The following PEAK1 variants were observed in gnomAD, a reference collection of about 807,000 sequenced individuals.
The protein encoded by PEAK1 is pseudopodium enriched atypical kinase 1.
PEAK1 carries 54 observed loss-of-function variants against 124.7 expected under a neutral mutation model. The ratio of observed to expected loss-of-function variants is 0.43; its 90% CI spans 0.35 to 0.54. The LOEUF is 0.54. Among genes scored for constraint, PEAK1 ranks in the 20% least tolerant of loss-of-function variants. PEAK1 has a pLI of 0.01. For synonymous variants in PEAK1, 719 were observed against 760.0 expected, an observed-to-expected ratio of 0.95 and a Z score of 0.89; for missense variants, 2,046 against 2,134.5, an observed-to-expected ratio of 0.96 and a Z score of 0.82.
chr15:77,319,027 A>C, intron 2 of PEAK1, among the ~76,000 whole-genome samples: 1 of 152,320 alleles, frequency 6.6e-6, no homozygotes, highest in South Asian at 2.1e-4. Flanking sequence ...ACTAGAACCA[A>C]GAAGACAACC....
Position 77,233,945 on chromosome 15 carries a change from T to C in PEAK1, c.-115+18422A>G, listed in dbSNP as rs1189263630. 2.0e-5 allele frequency among the ~76,000 whole-genome samples: 3 copies of C among 152,272 alleles called. No homozygotes were observed. In the East Asian group the frequency reaches 5.8e-4, roughly 29 times the overall value. On this transcript the variant is annotated intron_variant, in intron 6 of 9. Coordinates refer to ENST00000682557, the MANE Select transcript of PEAK1 (RefSeq NM_001385026.1). ...CAGTGGCATGATCATAGCTCCCTTC[T>C]GCTTCAAATTGCTGGGCTCGAGTGA... is the stretch of plus-strand genomic sequence containing the variant.
intron 2 of PEAK1, chr15:77,346,081 A>G (rs1259409114): frequency 1.1e-5 from 11 of 985,448 alleles, no homozygotes; most frequent in Non-Finnish European, 1.3e-5. Flanking sequence ...TCGAAGGCAC[A>G]ACGACTATGC....
chr15:77,331,395 G>A (rs12903253), intron 2 of PEAK1, among the ~76,000 whole-genome samples: 40,753 of 152,066 alleles, frequency 0.27, 6,493 homozygotes, highest in Middle Eastern at 0.38. Context: ...CTCCCAAAGT[G>A]CTGGGATTAC....
intron 7 of PEAK1, among the ~76,000 whole-genome samples, chr15:77,161,965 C>CGA (rs2055689534): frequency 1.2e-5 from 1 of 84,514 alleles, no homozygotes; most frequent in African/African-American, 5.1e-5. Context: ...GACTCTGTCT[C>CGA]AAAAAAAAAA....
At chr15:77,237,210 C>T (rs1323484633) in intron 6 of PEAK1, among the ~76,000 whole-genome samples, 4 of 151,840 alleles carry the variant, frequency 2.6e-5, no homozygotes, top group Admixed American at 1.3e-4. Context: ...GATTGTAAAT[C>T]CTAAAATATT....
At position 77,133,513 on chromosome 15, in the gene PEAK1, A is replaced by G. The variant is rs1567009900; in HGVS notation, c.3569T>C (p.Ile1190Thr). 1.2e-6 allele frequency: 2 copies of G among 1,614,096 alleles called. No individual in the cohort carries two copies. Among genetic ancestry groups the G allele is most frequent in the South Asian group, 1.1e-5 (1 of 91,092 alleles). The change falls in exon 9 of 10, where the codon ATC becomes ACC. Residue 1190 changes from isoleucine (I) to threonine (T), a missense_variant. Ile to Thr is a moderately conservative substitution (Grantham distance 89). Transcript: ENST00000682557. This position sits in a 1 kb window ranked among gnomAD's most constrained non-coding sequence, Gnocchi z 4.2. The stretch of plus-strand genomic sequence containing the variant: ...ACTGCTGGCATCCCAGTTGGGGTCG[A>G]TATCATAGGTGGGATTAGCCATGAC... ...LCVMANPTYD[I>T]DPNWDASSAG...
At chr15:77,348,570 C>T in intron 2 of PEAK1, 1 of 970,390 alleles carries the variant, frequency 1.0e-6, no homozygotes, top group Non-Finnish European at 1.2e-6. Flanking sequence ...AAGTGACCAG[C>T]CCAGAGTTGA....
intron 1 of PEAK1, among the ~76,000 whole-genome samples, chr15:77,407,894 TATATATACACATATATATACAC>T (rs2071969258): frequency 6.7e-6 from 1 of 148,586 alleles, no homozygotes; most frequent in Non-Finnish European, 1.5e-5. Context: ...TATATATATA[TATATATACACATATATATACAC>T]ATATATACAT....
intron 6 of PEAK1, among the ~76,000 whole-genome samples, chr15:77,193,472 C>G (rs559861018): frequency 2.0e-5 from 3 of 152,138 alleles, no homozygotes; most frequent in Non-Finnish European, 4.4e-5. Context: ...AAATGAGACT[C>G]TAATGTTAAT....
At chr15:77,332,228 G>C (rs562445536) in intron 2 of PEAK1, 1 of 983,176 alleles carries the variant, frequency 1.0e-6, no homozygotes, top group Non-Finnish European at 1.2e-6. Flanking sequence ...GTCCTTTTTT[G>C]ACAAAACACA....
rs554052752 is a variant in PEAK1 at position 77,377,572 on chromosome 15, C to T, written c.-665-12347G>A. Among the ~76,000 whole-genome samples, 9 of 151,962 alleles carry T rather than the reference C, an allele frequency of 5.9e-5. No individual in the cohort carries two copies. The East Asian group carries it at 7.8e-4, about 13-fold the overall frequency. On this transcript the variant is annotated intron_variant, in intron 1 of 9. Transcript: ENST00000682557. ...GCAACCTCCACCTCCCAGGTTCAAG[C>T]GATTCTCCTGCCTCAGCCTTCCAAG...
At chr15:77,388,629 A>G (rs557013239) in intron 1 of PEAK1, among the ~76,000 whole-genome samples, 2 of 152,306 alleles carry the variant, frequency 1.3e-5, no homozygotes, top group South Asian at 4.1e-4. Context: ...CCATATCTAC[A>G]TATAGCTATC....
intron 1 of PEAK1, among the ~76,000 whole-genome samples, chr15:77,370,384 G>A (rs1355397458): frequency 1.3e-5 from 2 of 152,156 alleles, no homozygotes; most frequent in Non-Finnish European, 2.9e-5. Flanking sequence ...AAAATTCCAA[G>A]AAGCAAAATG....
chr15:77,353,569 C>G (rs2067330305), intron 2 of PEAK1, among the ~76,000 whole-genome samples: 1 of 151,976 alleles, frequency 6.6e-6, no homozygotes, highest in African/African-American at 2.4e-5. Context: ...AAAACTGTTG[C>G]CTGCAGTAAG....
intron 2 of PEAK1, among the ~76,000 whole-genome samples, chr15:77,324,103 G>A (rs979788059): frequency 2.6e-5 from 4 of 152,212 alleles, no homozygotes; most frequent in African/African-American, 9.6e-5. Context: ...CAGGAAACAT[G>A]TCTTATTTAT....
At chr15:77,279,642 A>G (rs2062552786) in intron 5 of PEAK1, among the ~76,000 whole-genome samples, 1 of 152,028 alleles carries the variant, frequency 6.6e-6, no homozygotes, top group Admixed American at 6.6e-5. Context: ...GTCAACCCTC[A>G]CTCTAAACTT....
intron 6 of PEAK1, among the ~76,000 whole-genome samples, chr15:77,214,058 C>T (rs1214341479): frequency 6.6e-6 from 1 of 152,118 alleles, no homozygotes; most frequent in Non-Finnish European, 1.5e-5. Flanking sequence ...TGACTTGCCT[C>T]ACTTACCATG....
chr15:77,247,349 C>G (rs2060633770), intron 6 of PEAK1, among the ~76,000 whole-genome samples: 1 of 151,956 alleles, frequency 6.6e-6, no homozygotes, highest in South Asian at 2.1e-4. Flanking sequence ...TTGCCCTTTA[C>G]TAGGCTGAGG....
intron 6 of PEAK1, among the ~76,000 whole-genome samples, chr15:77,192,828 C>G (rs2057905572): frequency 6.6e-6 from 1 of 150,566 alleles, no homozygotes; most frequent in Admixed American, 6.6e-5. Flanking sequence ...CGGTCCTTAC[C>G]TTTTTTTTTA....
Sources: allele counts gnomAD v4.1 joint callset (sites outside exome capture counted in the v4.1 genomes callset), GRCh38; gene constraint gnomAD v4.1.1; non-coding constraint Gnocchi (gnomAD v3.1); transcripts MANE v1.5; gene names NCBI Gene and HGNC (gene_info 2026-07-23, HGNC 2026-07-21).